Variants in NKD1 observed in about 807,000 individuals in gnomAD.
The protein encoded by NKD1 is NKD inhibitor of Wnt signaling pathway 1.
Under a neutral mutation model 56.0 loss-of-function variants are expected in NKD1, and 21 were observed. The ratio of observed to expected loss-of-function variants is 0.38; its 90% CI spans 0.27 to 0.54. NKD1 has a LOEUF of 0.54. NKD1 is among the 20% of genes least tolerant of loss of function. The pLI is 0.82. For synonymous variants in NKD1, 263 were observed against 265.7 expected (o/e 0.99, Z 0.10); for missense variants, 578 against 642.7 (o/e 0.90, Z 1.09).
chr16:50,605,794 C>T (rs2151274839), intron 3 of NKD1, among the ~76,000 whole-genome samples: 1 of 152,282 alleles, frequency 6.6e-6, no homozygotes, highest in South Asian at 2.1e-4. Flanking sequence ...TGAGGAATGA[C>T]TATAAAGTGC....
At position 50,621,584 on chromosome 16, in the gene NKD1, C is replaced by T. The variant is rs766585423; in HGVS notation, c.260-18C>T. 154 of 1,595,968 alleles carry T rather than the reference C, an allele frequency of 9.6e-5. No individual in the cohort carries two copies. In the Middle Eastern group the frequency reaches 2.2e-3, roughly 22 times the overall value. ...CTGGACCCTGCTCCTAATGCTCCCT[C>T]GCCTGCCTCCCCGACAGTGGCCCTG... On this transcript the variant is annotated intron_variant, in intron 4 of 9. Transcript: ENST00000268459.
At chr16:50,576,799 G>A (rs953517462) in intron 3 of NKD1, among the ~76,000 whole-genome samples, 1 of 147,526 alleles carries the variant, frequency 6.8e-6, no homozygotes, top group South Asian at 2.1e-4. Flanking sequence ...GGGAAAAGAA[G>A]AAAGTTATTT....
intron 3 of NKD1, among the ~76,000 whole-genome samples, chr16:50,568,799 C>A (rs1455809529): frequency 6.6e-6 from 1 of 152,102 alleles, no homozygotes; most frequent in Non-Finnish European, 1.5e-5. Flanking sequence ...TTCTGCCCCC[C>A]CAGAGGATGG....
intron 3 of NKD1, among the ~76,000 whole-genome samples, chr16:50,602,930 C>T (rs779564885): frequency 6.6e-6 from 1 of 152,350 alleles, no homozygotes; most frequent in South Asian, 2.1e-4. Context: ...CCCTAAACAT[C>T]ACTGGATTCG....
At chr16:50,614,648 G>A (rs1455346310) in intron 4 of NKD1, among the ~76,000 whole-genome samples, 1 of 151,394 alleles carries the variant, frequency 6.6e-6, no homozygotes, top group Non-Finnish European at 1.5e-5. Context: ...TAGGTTTTAT[G>A]GGACCTGAAG....
chr16:50,568,999 T>A lies in NKD1; in HGVS notation c.192+19444T>A, dbSNP rs1271589909. 2.6e-5 allele frequency among the ~76,000 whole-genome samples: 4 copies of A among 152,220 alleles called. No individual in the cohort carries two copies. In the East Asian group the frequency reaches 7.7e-4, roughly 29 times the overall value. On this transcript the variant is annotated intron_variant, in intron 3 of 9. Transcript: ENST00000268459. ...TGGAGAAGGTTGATTTGTCTCCTTCTCTTCCCCACCTTCCCTTCATTATTT... is the reference window on the plus strand; with the variant it reads ...TGGAGAAGGTTGATTTGTCTCCTTCACTTCCCCACCTTCCCTTCATTATTT...
intron 3 of NKD1, chr16:50,558,005 C>T (rs1596703994): frequency 3.9e-5 from 6 of 152,326 alleles, no homozygotes; most frequent in East Asian, 1.9e-4. Context: ...GGGGTGCCCC[C>T]GGGGAACACA....
At chr16:50,625,650 GC>G (rs1357513239) in intron 6 of NKD1, 70 bp downstream of exon 6, 1 of 923,992 alleles carries the variant, frequency 1.1e-6, no homozygotes, top group East Asian at 2.5e-5. Context: ...ACAGCACCCT[GC>G]CACTGCCACT....
chr16:50,624,900 G>A (rs1325662572), intron 5 of NKD1, among the ~76,000 whole-genome samples: 2 of 152,220 alleles, frequency 1.3e-5, no homozygotes, highest in Non-Finnish European at 2.9e-5. Flanking sequence ...GGAAACAGCT[G>A]GGCTGAGGGC....
chr16:50,572,606 C>T lies in NKD1; in HGVS notation c.192+23051C>T, dbSNP rs74017722. Among the ~76,000 whole-genome samples the T allele has an allele frequency of 7.1e-3, 1,077 of 152,128 alleles. 12 individuals are homozygous for T. Among genetic ancestry groups the T allele is most frequent in the African/African-American group, 0.024 (1,000 of 41,476 alleles). ...CTTTTGTGCTCTAACTCAGGGGAGG[C>T]GGCAGATTGGTGAGAAGGGGTTCAG... On this transcript the variant is annotated intron_variant, in intron 3 of 9. Transcript: ENST00000268459.
At chr16:50,571,356 G>A (rs1320635758) in intron 3 of NKD1, 1 of 335,986 alleles carries the variant, frequency 3.0e-6, no homozygotes, top group East Asian at 1.7e-4. Context: ...CGAGCAGCTG[G>A]CCGCACAGCC....
At position 50,635,494 on chromosome 16, in the gene NKD1, C is replaced by G. The variant is rs1962447520; in HGVS notation, c.*1713C>G. The G allele has an allele frequency of 6.6e-6, 1 of 152,220 alleles. No individual in the cohort carries two copies. The highest frequency in any genetic ancestry group is 6.5e-5 in the Admixed American group (1 of 15,288). The allele number at this position is 152,220 out of a possible 1,614,324, so 9.4% of individuals were successfully genotyped here. On this transcript the variant is annotated 3_prime_UTR_variant, in exon 10 of 10. Transcript: ENST00000268459. This position sits in a 1 kb window ranked among gnomAD's most constrained non-coding sequence, Gnocchi z 4.1. ...CCTTCCTTTCTGCCGTTTTGTCTCC[C>G]AGCTGGCATTCTCTTTTCCAGAGCC... is the stretch of plus-strand genomic sequence containing the variant.
At chr16:50,616,857 C>CATCTAGGGTATAGCAATACA (rs1961972431) in intron 4 of NKD1, among the ~76,000 whole-genome samples, 1 of 152,220 alleles carries the variant, frequency 6.6e-6, no homozygotes, top group Non-Finnish European at 1.5e-5. Flanking sequence ...AAGCAATACA[C>CATCTAGGGTATAGCAATACA]ATATCTAGGG....
rs913577096 is a variant in NKD1 at position 50,623,852 on chromosome 16, G to A, written c.367-1633G>A. Reference sequence around the variant, plus strand: ...TGTAGGTACGTGTGTAGGGGTATGCGTGTGTGTGTGTGTGTAGGGGTATGT... The same window carrying A: ...TGTAGGTACGTGTGTAGGGGTATGCATGTGTGTGTGTGTGTAGGGGTATGT... On this transcript the variant is annotated intron_variant, in intron 5 of 9. Transcript: ENST00000268459. The surrounding 1 kb of genome is among the most constrained non-coding windows in gnomAD (Gnocchi z 4.1). 1.3e-5 allele frequency among the ~76,000 whole-genome samples: 2 copies of A among 150,182 alleles called. No individual in the cohort carries two copies. Among genetic ancestry groups the A allele is most frequent in the Admixed American group, 6.7e-5 (1 of 15,004 alleles).
At chr16:50,552,400 G>C (rs1484699363) in intron 3 of NKD1, 1 of 152,258 alleles carries the variant, frequency 6.6e-6, no homozygotes, top group Non-Finnish European at 1.5e-5. Context: ...CCCAGAGAGG[G>C]GGTGCTTCGA....
chr16:50,612,939 A>G (rs1333813384), intron 4 of NKD1, among the ~76,000 whole-genome samples: 1 of 151,954 alleles, frequency 6.6e-6, no homozygotes, highest in Admixed American at 6.6e-5. Context: ...GGGCAATGAA[A>G]CCAGGAGGTG....
chr16:50,611,214 C>T (rs147807317), intron 4 of NKD1, among the ~76,000 whole-genome samples: 1 of 152,290 alleles, frequency 6.6e-6, no homozygotes, highest in East Asian at 1.9e-4. Flanking sequence ...CTCTCCAGGT[C>T]CCCCCTGCCT....
rs912144292 is a variant in NKD1 at position 50,610,047 on chromosome 16, A to G, written c.259+1687A>G. Among the ~76,000 whole-genome samples, 3 of 152,192 alleles carry G rather than the reference A, an allele frequency of 2.0e-5. No homozygotes were observed. The East Asian group carries it at 5.8e-4, about 29-fold the overall frequency. ...TTCATGGTTAAACTTTTATAAGAACATAGTTGGGCATGGTGGCTCAAACCT... is the reference window on the plus strand; with the variant it reads ...TTCATGGTTAAACTTTTATAAGAACGTAGTTGGGCATGGTGGCTCAAACCT... On this transcript the variant is annotated intron_variant, in intron 4 of 9. Coordinates refer to ENST00000268459, the MANE Select transcript of NKD1 (RefSeq NM_033119.5).
intron 3 of NKD1, among the ~76,000 whole-genome samples, chr16:50,585,514 G>A (rs576140301): frequency 3.3e-5 from 5 of 152,350 alleles, no homozygotes; most frequent in African/African-American, 7.2e-5. Context: ...GATGGGGGAC[G>A]TGGGGCCCGG....
Sources: gnomAD v4.1 joint callset for allele counts (sites outside exome capture counted in the v4.1 genomes callset) on GRCh38, gnomAD v4.1.1 for gene constraint, Gnocchi (gnomAD v3.1) non-coding constraint, MANE v1.5 for transcripts, NCBI Gene and HGNC (gene_info 2026-07-23, HGNC 2026-07-21) for gene names.